Variants in LIMD2 observed in about 807,000 individuals in gnomAD.
LIMD2 encodes LIM domain containing 2.
Under a neutral mutation model 16.0 loss-of-function variants are expected in LIMD2, and 11 were observed. The observed-to-expected ratio is 0.69, with a 90% confidence interval of 0.43 to 1.14. LIMD2 has a LOEUF of 1.14. Among genes scored for constraint, LIMD2 ranks in the 50% most tolerant of loss-of-function variants. The pLI is 0.00. For synonymous variants in LIMD2, 60 were observed against 67.1 expected (o/e 0.89, Z 0.52); for missense variants, 168 against 165.8 (o/e 1.01, Z -0.07).
At chr17:63,699,886 C>G in intron 1 of LIMD2, 146 bp downstream of exon 1, 1 of 984,356 alleles carries the variant, frequency 1.0e-6, no homozygotes, top group Non-Finnish European at 1.2e-6. Flanking sequence ...GGGGGCCGGC[C>G]CTGAAACGAG....
Position 63,698,648 on chromosome 17 carries a change from A to T in LIMD2, c.288T>A (p.Phe96Leu). The change falls in exon 5 of 5, where the codon TTT (phenylalanine) becomes TTA (leucine). Residue 96 changes from phenylalanine (F) to leucine (L), a missense_variant. Coordinates refer to ENST00000259006, the MANE Select transcript of LIMD2 (RefSeq NM_030576.4). ...CCTCGTCGTAGTTGCCTTTGCTCTTAAACAGCTGCTGGAAGTGGGGTTTGC... is the reference window on the plus strand; with the variant it reads ...CCTCGTCGTAGTTGCCTTTGCTCTTTAACAGCTGCTGGAAGTGGGGTTTGC... ...FYCKPHFQQL[F>L]KSKGNYDEGF... 6.2e-7 allele frequency: 1 copy of T among 1,613,842 alleles called. No homozygotes were observed. Among genetic ancestry groups the T allele is most frequent in the Non-Finnish European group, 8.5e-7 (1 of 1,180,002 alleles).
Position 63,699,035 on chromosome 17 carries a change from C to A in LIMD2, c.77G>T (p.Arg26Leu), listed in dbSNP as rs778234120. 1 of 1,608,380 alleles carries A rather than the reference C, an allele frequency of 6.2e-7. No individual in the cohort carries two copies. Among genetic ancestry groups the A allele is most frequent in the Non-Finnish European group, 8.5e-7 (1 of 1,178,232 alleles). The change falls in exon 3 of 5, where the codon CGC (arginine) becomes CTC (leucine). Residue 26 changes from arginine to leucine, a missense_variant. Coordinates refer to ENST00000259006, the MANE Select transcript of LIMD2 (RefSeq NM_030576.4). Reference protein sequence around the residue: ...AKGGGSSTVQRSKSFSLRAQV... With the variant: ...AKGGGSSTVQLSKSFSLRAQV... ...CCGGCCCCAGGCCCCTACCTTGGAGCGCTGCACCGTGCTGCTGCCGCCGCC... is the reference window on the plus strand; with the variant it reads ...CCGGCCCCAGGCCCCTACCTTGGAGAGCTGCACCGTGCTGCTGCCGCCGCC...
rs760191571 is a variant in LIMD2 at position 63,698,504 on chromosome 17, C to T, written c.*48G>A. The T allele has an allele frequency of 2.5e-6, 4 of 1,595,584 alleles. No homozygotes were observed. The highest frequency in any genetic ancestry group is 3.4e-6 in the Non-Finnish European group (4 of 1,171,548). On this transcript the variant is annotated 3_prime_UTR_variant, in exon 5 of 5. Transcript: ENST00000259006. ...GCTCGACCTCCTTCCCACCTTCCCC[C>T]TGCCGGCTCCAGGCCTTCCGCAGAG... is the stretch of plus-strand genomic sequence containing the variant.
chr17:63,700,306 CCCGGCTCCGCGCT>C (rs1292763361), upstream of LIMD2: 2 of 345,836 alleles, frequency 5.8e-6, no homozygotes, highest in Non-Finnish European at 8.2e-6. This position sits in a 1 kb window ranked among gnomAD's most constrained non-coding sequence, Gnocchi z 7.1. Flanking sequence ...TGTCCCCCGC[CCCGGCTCCGCGCT>C]CCCGGCTCCG....
In LIMD2 at chr17:63,698,273, C is replaced by T; in HGVS notation, c.*279G>A. The T allele has an allele frequency of 4.2e-6, 2 of 476,680 alleles. No individual in the cohort carries two copies. Among genetic ancestry groups the T allele is most frequent in the Non-Finnish European group, 7.6e-6 (2 of 263,290 alleles). The allele number at this position is 476,680 out of a possible 1,614,324, so 29.5% of individuals were successfully genotyped here. Reference sequence around the variant, plus strand: ...TAGATAGGGGAGCTGGGCTTGGGGGCCTCCCAGGGGGTCCTGGGGTGAGGT... The same window carrying T: ...TAGATAGGGGAGCTGGGCTTGGGGGTCTCCCAGGGGGTCCTGGGGTGAGGT... On this transcript the variant is annotated 3_prime_UTR_variant, in exon 5 of 5. Coordinates refer to ENST00000259006, the MANE Select transcript of LIMD2 (RefSeq NM_030576.4).
At chr17:63,699,808 C>A in intron 1 of LIMD2, 2 of 933,398 alleles carry the variant, frequency 2.1e-6, no homozygotes, top group South Asian at 4.9e-5. Flanking sequence ...CCGACCTGGC[C>A]CCGCGAGGAC....
chr17:63,698,746 A>C lies in LIMD2; in HGVS notation c.225-35T>G, dbSNP rs768125550. 1.3e-5 allele frequency: 20 copies of C among 1,496,386 alleles called. No individual in the cohort carries two copies. In the East Asian group the frequency reaches 5.6e-4, roughly 42 times the overall value. The allele number at this position is 1,496,386 out of a possible 1,614,324, so 92.7% of individuals were successfully genotyped here. On this transcript the variant is annotated intron_variant, in intron 4 of 4. Transcript: ENST00000259006. ...CCAAACAACGGCGTCAGGTCAGGTC[A>C]GGTCGGGGCTGGGTTGGCAGGCGAG...
rs376733012 is a variant in LIMD2, at chr17:63,698,934, A to C, written c.89T>G (p.Phe30Cys). 4.3e-6 allele frequency: 7 copies of C among 1,612,634 alleles called. No individual in the cohort carries two copies. The highest frequency in any genetic ancestry group is 1.3e-5 in the African/African-American group (1 of 74,916). Residue 30 changes from phenylalanine (F) to cysteine (C), a missense_variant, in exon 4 of 5, where the codon TTC becomes TGC. Transcript: ENST00000259006. ...CTCCTTCACCTGGGCCCGCAGGCTG[A>C]AGGACTGTGCGGGAAGCTCAGCCAG... ...GSSTVQRSKS[F>C]SLRAQVKETC...
intron 1 of LIMD2, 183 bp from the exon 2 acceptor site, chr17:63,699,531 C>T: frequency 3.5e-6 from 2 of 564,496 alleles, no homozygotes; most frequent in Non-Finnish European, 5.9e-6. Flanking sequence ...CCCCAGGGGC[C>T]GGGGTCCCGA....
chr17:63,700,195 C>T (rs1598136737), upstream of LIMD2: 1 of 979,534 alleles, frequency 1.0e-6, no homozygotes, highest in Non-Finnish European at 1.2e-6. This position sits in a 1 kb window ranked among gnomAD's most constrained non-coding sequence, Gnocchi z 7.1. Context: ...CGCGCCCGCC[C>T]ATTGGCTCCG....
chr17:63,700,316 C>G, upstream of LIMD2: 1 of 306,480 alleles, frequency 3.3e-6, no homozygotes, highest in Non-Finnish European at 4.8e-6. The surrounding 1 kb of genome is among the most constrained non-coding windows in gnomAD (Gnocchi z 7.1). Flanking sequence ...CCCGGCTCCG[C>G]GCTCCCGGCT....
At position 63,698,916 on chromosome 17, in the gene LIMD2, A is replaced by T; in HGVS notation, c.107T>A (p.Val36Glu). 1 of 1,612,694 alleles carries T rather than the reference A, an allele frequency of 6.2e-7. No individual in the cohort carries two copies. Among genetic ancestry groups the T allele is most frequent in the African/African-American group, 1.3e-5 (1 of 75,014 alleles). Reference protein sequence around the residue: ...RSKSFSLRAQVKETCAACQKT... With the variant: ...RSKSFSLRAQEKETCAACQKT... ...CTGGCAGGCGGCGCAGGTCTCCTTCACCTGGGCCCGCAGGCTGAAGGACTG... is the reference window on the plus strand; with the variant it reads ...CTGGCAGGCGGCGCAGGTCTCCTTCTCCTGGGCCCGCAGGCTGAAGGACTG... Residue 36 changes from valine to glutamate, a missense_variant, in exon 4 of 5, where the codon GTG becomes GAG. By Grantham distance (121) the Val-to-Glu change is moderately radical (BLOSUM62 -2). Transcript: ENST00000259006.
At chr17:63,699,381 C>T in intron 1 of LIMD2, 33 bp from the exon 2 acceptor site, 2 of 1,509,642 alleles carry the variant, frequency 1.3e-6, no homozygotes, top group Non-Finnish European at 1.8e-6. Context: ...AGGGCCCCGC[C>T]AGCCCGGCCC....
At chr17:63,699,157 C>T in intron 2 of LIMD2, 88 bp from the exon 3 acceptor site, 1 of 1,581,716 alleles carries the variant, frequency 6.3e-7, no homozygotes, top group Non-Finnish European at 8.6e-7. Flanking sequence ...CAGGGGCGCG[C>T]CGCAGGGCAC....
intron 1 of LIMD2, 194 bp from the exon 2 acceptor site, chr17:63,699,542 G>A: frequency 1.9e-6 from 1 of 534,890 alleles, no homozygotes; most frequent in South Asian, 2.7e-5. Context: ...GGGGTCCCGA[G>A]TGGCACCGTC....
chr17:63,699,874 C>A (rs1179661720), intron 1 of LIMD2, 158 bp downstream of exon 1: 4 of 984,320 alleles, frequency 4.1e-6, no homozygotes, highest in Non-Finnish European at 4.8e-6. Flanking sequence ...CTCCGCCCAG[C>A]CGGGGGCCGG....
At chr17:63,699,404 T>G (rs1440657828) in intron 1 of LIMD2, 56 bp from the exon 2 acceptor site, 2 of 1,470,104 alleles carry the variant, frequency 1.4e-6, no homozygotes, top group Non-Finnish European at 1.8e-6. Flanking sequence ...GCCTGCAGGG[T>G]GGGGGGTGTT....
chr17:63,699,581 G>C (rs1463070192), intron 1 of LIMD2: 2 of 411,390 alleles, frequency 4.9e-6, no homozygotes, highest in African/African-American at 4.2e-5. Context: ...AGCGGGAGCG[G>C]AGGGGCCGGG....
At position 63,698,869 on chromosome 17, in the gene LIMD2, G is replaced by A; in HGVS notation, c.154C>T (p.Arg52Trp). Residue 52 changes from arginine to tryptophan, a missense_variant, in exon 4 of 5, where the codon CGG (arginine) becomes TGG (tryptophan). By Grantham distance (101) the Arg-to-Trp change is moderately radical (BLOSUM62 -3). Coordinates refer to ENST00000259006, the MANE Select transcript of LIMD2 (RefSeq NM_030576.4). ...ACQKTVYPMERLVADKLIFHN... is the reference protein window; with the variant it reads ...ACQKTVYPMEWLVADKLIFHN... Reference sequence around the variant, plus strand: ...AAAATGAGCTTGTCGGCCACCAGCCGCTCCATGGGGTACACGGTCTTCTGG... The same window carrying A: ...AAAATGAGCTTGTCGGCCACCAGCCACTCCATGGGGTACACGGTCTTCTGG... 6.2e-7 allele frequency: 1 copy of A among 1,612,898 alleles called. No homozygotes were observed. The highest frequency in any genetic ancestry group is 8.5e-7 in the Non-Finnish European group (1 of 1,179,940).
Sources: allele counts gnomAD v4.1 joint callset, GRCh38; gene constraint gnomAD v4.1.1; non-coding constraint Gnocchi (gnomAD v3.1); transcripts MANE v1.5; gene names NCBI Gene and HGNC (gene_info 2026-07-23, HGNC 2026-07-21).